ZNF415: variants seen among roughly 807,000 people sequenced by gnomAD.
ZNF415 encodes the protein zinc finger protein 415.
In ZNF415, 5 loss-of-function variants were observed where a neutral mutation model predicts 7.3. That is an observed-to-expected ratio of 0.69 (90% CI 0.36 to 1.44). The LOEUF (loss-of-function observed/expected upper bound fraction) is 1.44, where lower values mean the gene tolerates loss of function less well. Ranked by LOEUF, ZNF415 falls within the 40% of genes most tolerant of loss-of-function variation. ZNF415 has a pLI of 0.04. For synonymous variants in ZNF415, 207 were observed against 226.3 expected, an observed-to-expected ratio of 0.91 and a Z score of 0.77; for missense variants, 628 against 664.8, an observed-to-expected ratio of 0.94 and a Z score of 0.61.
chr19:53,131,749 C>G (rs1363111447), intron 1 of ZNF415, among the ~76,000 whole-genome samples: 1 of 152,058 alleles, frequency 6.6e-6, no homozygotes, highest in African/African-American at 2.4e-5. Flanking sequence ...TCTTCCTAAT[C>G]TTTTCATTGT....
intron 2 of ZNF415, among the ~76,000 whole-genome samples, chr19:53,120,458 C>G (rs1338131988): frequency 6.6e-6 from 1 of 152,102 alleles, no homozygotes; most frequent in African/African-American, 2.4e-5. Context: ...GCTGTCTGTT[C>G]TCACAGAACT....
rs2085666208 is a variant in ZNF415, at chr19:53,108,192, G to A, written c.*185C>T. 1.6e-6 allele frequency: 1 copy of A among 622,568 alleles called. No homozygotes were observed. The highest frequency in any genetic ancestry group is 2.2e-5 in the South Asian group (1 of 44,716). 38.6% of individuals were successfully genotyped at this position (622,568 alleles called of 1,614,324 possible). ...TGGACTCTGATGTCAATGAATGCTT[G>A]AACTTGTGATGAAGGGTTTGCTGTA... On this transcript the variant is annotated 3_prime_UTR_variant, in exon 4 of 4. Transcript: ENST00000243643.
intron 1 of ZNF415, among the ~76,000 whole-genome samples, chr19:53,123,049 C>T (rs138438766): frequency 3.9e-4 from 60 of 152,274 alleles, no homozygotes; most frequent in Middle Eastern, 3.4e-3. Context: ...CTCTCTGGAT[C>T]CCAGGCTGGG....
chr19:53,118,235 A>T (rs28845271), intron 2 of ZNF415, among the ~76,000 whole-genome samples: 1 of 152,132 alleles, frequency 6.6e-6, no homozygotes, highest in Non-Finnish European at 1.5e-5. Context: ...ACTAATAAAG[A>T]GATCAATTCA....
chr19:53,129,002 G>C (rs142015534), intron 1 of ZNF415, among the ~76,000 whole-genome samples: 1 of 148,832 alleles, frequency 6.7e-6, no homozygotes, highest in Non-Finnish European at 1.5e-5. Context: ...AGTGAAACCT[G>C]AATAATGTGA....
At chr19:53,127,885 AAAAAG>A (rs1341710088) in intron 1 of ZNF415, among the ~76,000 whole-genome samples, 2 of 113,580 alleles carry the variant, frequency 1.8e-5, no homozygotes, top group African/African-American at 5.5e-5. Flanking sequence ...CAAAAAAAAA[AAAAAG>A]AAAAAGAAAA....
chr19:53,120,201 G>C (rs911272521), intron 2 of ZNF415, among the ~76,000 whole-genome samples: 2 of 151,988 alleles, frequency 1.3e-5, no homozygotes, highest in African/African-American at 2.4e-5. Context: ...CAAGGTAATA[G>C]ACACTTCAAA....
At chr19:53,131,475 G>C (rs906805359) in intron 1 of ZNF415, among the ~76,000 whole-genome samples, 8 of 152,166 alleles carry the variant, frequency 5.3e-5, no homozygotes, top group African/African-American at 1.9e-4. Flanking sequence ...CAGGTCAAAA[G>C]GTAGTCATCA....
In ZNF415 at chr19:53,108,415, T is replaced by C. The variant is rs138587680; in HGVS notation, c.1630A>G (p.Ile544Val). Residue 544 changes from isoleucine to valine, a missense_variant, in exon 4 of 4, where the codon ATT (isoleucine) becomes GTT (valine). Transcript: ENST00000243643. ...SVRPNLFRHQIIHTKEKPYKR... is the reference protein window; with the variant it reads ...SVRPNLFRHQVIHTKEKPYKR... ...TAAGGTTTCTCCTTAGTATGGATAA[T>C]TTGATGTCTGAAGAGGTTTGGGCGC... 1.7e-5 allele frequency: 27 copies of C among 1,613,900 alleles called. No individual in the cohort carries two copies. The highest frequency in any genetic ancestry group is 1.6e-4 in the Middle Eastern group (1 of 6,082).
chr19:53,127,625 TC>T (rs1008771880), intron 1 of ZNF415, among the ~76,000 whole-genome samples: 35 of 152,286 alleles, frequency 2.3e-4, no homozygotes, highest in Admixed American at 3.3e-4. Context: ...CCACCTGTAA[TC>T]CCAGCACTTT....
intron 2 of ZNF415, among the ~76,000 whole-genome samples, chr19:53,119,444 CAAAAAA>C (rs34688086): frequency 1.7e-4 from 6 of 35,094 alleles, no homozygotes; most frequent in East Asian, 1.3e-3. Flanking sequence ...GACTCCATCT[CAAAAAA>C]AAAAAAAAAA....
intron 1 of ZNF415, among the ~76,000 whole-genome samples, chr19:53,131,904 C>T (rs912947379): frequency 3.9e-5 from 6 of 151,950 alleles, no homozygotes; most frequent in African/African-American, 1.5e-4. Flanking sequence ...CCCTCTGCTT[C>T]TCCTTGTCAT....
At chr19:53,126,086 G>C (rs2089037643) in intron 1 of ZNF415, among the ~76,000 whole-genome samples, 1 of 151,580 alleles carries the variant, frequency 6.6e-6, no homozygotes, top group African/African-American at 2.4e-5. Context: ...AATGATACAG[G>C]GTGACACTAG....
chr19:53,109,551 A>G lies in ZNF415; in HGVS notation c.494T>C (p.Val165Ala), dbSNP rs1386827422. The G allele has an allele frequency of 6.2e-7, 1 of 1,613,974 alleles. No individual in the cohort carries two copies. Among genetic ancestry groups the G allele is most frequent in the Non-Finnish European group, 8.5e-7 (1 of 1,180,008 alleles). Residue 165 changes from valine (V) to alanine (A), a missense_variant, in exon 4 of 4, where the codon GTT becomes GCT. Coordinates refer to ENST00000243643, the MANE Select transcript of ZNF415 (RefSeq NM_018355.4). ...GGAACCATGGTTGACAGACTTCTCAACATGGTTACATTCATAAATTTTCCC... is the reference window on the plus strand; with the variant it reads ...GGAACCATGGTTGACAGACTTCTCAGCATGGTTACATTCATAAATTTTCCC... ...AEGKIYECNH[V>A]EKSVNHGSSV...
At position 53,109,676 on chromosome 19, in the gene ZNF415, G is replaced by T. The variant is rs1273703097; in HGVS notation, c.369C>A (p.Asp123Glu). Residue 123 changes from aspartate (D) to glutamate (E), a missense_variant, in exon 4 of 4, where the codon GAC becomes GAA. By Grantham distance (45) the Asp-to-Glu change is conservative. Transcript: ENST00000243643. ...TTCCTATACCTCTTCTATCGCGTTG[G>T]TCTCTCCTACAAGTAAGATTTTCTT... The part of the protein sequence containing the change: ...APKENLTCRR[D>E]QRDRRGIGNK... 6.2e-7 allele frequency: 1 copy of T among 1,614,006 alleles called. No homozygotes were observed. Among genetic ancestry groups the T allele is most frequent in the East Asian group, 2.2e-5 (1 of 44,864 alleles).
intron 2 of ZNF415, among the ~76,000 whole-genome samples, chr19:53,120,826 C>T (rs2087873781): frequency 6.6e-6 from 1 of 152,068 alleles, no homozygotes; most frequent in Non-Finnish European, 1.5e-5. Context: ...TGGCTCATGC[C>T]TCTAATCCCA....
At chr19:53,120,117 G>A (rs1380580690) in intron 2 of ZNF415, among the ~76,000 whole-genome samples, 2 of 151,260 alleles carry the variant, frequency 1.3e-5, no homozygotes, top group African/African-American at 4.8e-5. Context: ...GAACACAGAT[G>A]TAAAAATCCT....
chr19:53,119,985 T>C (rs139100828), intron 2 of ZNF415, among the ~76,000 whole-genome samples: 142 of 105,164 alleles, frequency 1.4e-3, no homozygotes, highest in Middle Eastern at 5.1e-3. Context: ...CTAAGACTGA[T>C]TCTCCTCAAA....
intron 3 of ZNF415, among the ~76,000 whole-genome samples, chr19:53,115,012 G>A (rs1201837791): frequency 6.6e-6 from 1 of 152,088 alleles, no homozygotes; most frequent in Non-Finnish European, 1.5e-5. Flanking sequence ...TCTATATGGA[G>A]AGCGAACTGA....
Sources: allele counts gnomAD v4.1 joint callset (sites outside exome capture counted in the v4.1 genomes callset), GRCh38; gene constraint gnomAD v4.1.1; transcripts MANE v1.5; gene names NCBI Gene and HGNC (gene_info 2026-07-23, HGNC 2026-07-21).